Variants in TEAD1 observed in about 807,000 individuals in gnomAD.
TEAD1 encodes transcriptional enhancer factor TEF-1.
TEAD1 carries 9 observed loss-of-function variants against 54.9 expected under a neutral mutation model. The ratio of observed to expected loss-of-function variants is 0.16; its 90% confidence interval spans 0.10 to 0.29. The LOEUF (loss-of-function observed/expected upper bound fraction) is 0.29, where lower values mean the gene tolerates loss of function less well. TEAD1 is among the 10% of genes least tolerant of loss of function. The pLI, the probability that TEAD1 is intolerant of heterozygous loss-of-function variation, is 1.00. For synonymous variants in TEAD1, 200 were observed against 187.8 expected, an observed-to-expected ratio of 1.07 and a Z score of -0.53; for missense variants, 387 against 535.9, an observed-to-expected ratio of 0.72 and a Z score of 2.74.
chr11:12,771,286 A>G (rs531279001), intron 3 of TEAD1, among the ~76,000 whole-genome samples: 2 of 152,292 alleles, frequency 1.3e-5, no homozygotes, highest in Admixed American at 1.3e-4. Flanking sequence ...GACGGAAGCC[A>G]TTACATTTTT....
At chr11:12,864,617 T>G (rs117880397) in intron 4 of TEAD1, 385 of 954,808 alleles carry the variant, frequency 4.0e-4, no homozygotes, top group Middle Eastern at 7.4e-4. Context: ...TTGATTTCCT[T>G]TTTTGTTTTG....
intron 10 of TEAD1, among the ~76,000 whole-genome samples, chr11:12,921,668 G>A (rs1302105291): frequency 6.6e-6 from 1 of 152,144 alleles, no homozygotes; most frequent in Non-Finnish European, 1.5e-5. Flanking sequence ...TCAGCAAAGC[G>A]AGGCAGTGGC....
rs573700530 is a variant in TEAD1 at position 12,681,206 on chromosome 11, G to A, written c.-55+5645G>A. Among the ~76,000 whole-genome samples the A allele has an allele frequency of 3.9e-5, 6 of 152,224 alleles. No individual in the cohort carries two copies. In the South Asian group the frequency reaches 1.2e-3, roughly 32 times the overall value. Reference sequence around the variant, plus strand: ...GTCATTGAGAGAAAAACAGAAAACAGATACTTAATAGCATTTCATATTGTC... The same window carrying A: ...GTCATTGAGAGAAAAACAGAAAACAAATACTTAATAGCATTTCATATTGTC... On this transcript the variant is annotated intron_variant, in intron 2 of 12. Coordinates refer to ENST00000527636, the MANE Select transcript of TEAD1 (RefSeq NM_021961.6).
chr11:12,913,556 C>T (rs1948655890), intron 10 of TEAD1, among the ~76,000 whole-genome samples: 1 of 152,174 alleles, frequency 6.6e-6, no homozygotes, highest in South Asian at 2.1e-4. Flanking sequence ...ATGCCTTTTA[C>T]AGCAATGAGA....
intron 2 of TEAD1, among the ~76,000 whole-genome samples, chr11:12,682,234 T>G (rs1943237639): frequency 6.6e-6 from 1 of 152,248 alleles, no homozygotes; most frequent in African/African-American, 2.4e-5. Context: ...CTTTATGGAA[T>G]TCACTAAGAT....
chr11:12,882,714 T>G (rs981884079), intron 8 of TEAD1, among the ~76,000 whole-genome samples: 1 of 152,204 alleles, frequency 6.6e-6, no homozygotes, highest in African/African-American at 2.4e-5. Context: ...CTTGGCTTGG[T>G]CCCCAAGTAG....
At chr11:12,709,302 C>G (rs903490700) in intron 2 of TEAD1, among the ~76,000 whole-genome samples, 4 of 151,576 alleles carry the variant, frequency 2.6e-5, no homozygotes, top group African/African-American at 9.7e-5. Context: ...TGCACCACTG[C>G]ACTCCAGCCT....
At chr11:12,826,349 GT>G (rs150624259) in intron 3 of TEAD1, among the ~76,000 whole-genome samples, 3,499 of 152,228 alleles carry the variant, frequency 0.023, 154 homozygotes, top group African/African-American at 0.078. Context: ...GGAGAAAATA[GT>G]TCCTTGGAGA....
intron 10 of TEAD1, among the ~76,000 whole-genome samples, chr11:12,905,342 G>A (rs1173741526): frequency 2.0e-5 from 3 of 152,062 alleles, no homozygotes; most frequent in Non-Finnish European, 4.4e-5. Context: ...TGGGAGATGT[G>A]CAAATTTAGA....
chr11:12,912,807 T>C (rs146584520), intron 10 of TEAD1, among the ~76,000 whole-genome samples: 232 of 152,286 alleles, frequency 1.5e-3, no homozygotes, highest in African/African-American at 5.1e-3. Context: ...ATCTCTTGCA[T>C]TGGGAGTTGC....
chr11:12,797,461 A>T (rs1486223431), intron 3 of TEAD1, among the ~76,000 whole-genome samples: 1 of 151,802 alleles, frequency 6.6e-6, no homozygotes, highest in Non-Finnish European at 1.5e-5. Context: ...GGACTTCTTG[A>T]CGTTTGTGCT....
chr11:12,679,465 G>A (rs921841637), intron 2 of TEAD1, among the ~76,000 whole-genome samples: 6 of 152,148 alleles, frequency 3.9e-5, no homozygotes, highest in African/African-American at 1.2e-4. Flanking sequence ...GCATCTGACA[G>A]GTTTAGATGT....
At chr11:12,682,263 A>G (rs1943238654) in intron 2 of TEAD1, among the ~76,000 whole-genome samples, 1 of 152,200 alleles carries the variant, frequency 6.6e-6, no homozygotes, top group Non-Finnish European at 1.5e-5. Context: ...TTGGTTTTAA[A>G]GATAAGCCTG....
At chr11:12,736,727 A>G (rs1171643858) in intron 2 of TEAD1, among the ~76,000 whole-genome samples, 1 of 152,210 alleles carries the variant, frequency 6.6e-6, no homozygotes, top group Non-Finnish European at 1.5e-5. Context: ...ATTCACAAAG[A>G]AATACAGGTA....
At chr11:12,772,709 C>CA (rs1359870845) in intron 3 of TEAD1, among the ~76,000 whole-genome samples, 1 of 152,126 alleles carries the variant, frequency 6.6e-6, no homozygotes, top group Admixed American at 6.5e-5. Flanking sequence ...CATTTCCCCC[C>CA]AATATGGTTA....
chr11:12,799,112 A>T (rs1354345408), intron 3 of TEAD1, among the ~76,000 whole-genome samples: 1 of 152,254 alleles, frequency 6.6e-6, no homozygotes, highest in African/African-American at 2.4e-5. Context: ...TTGTGGAAAC[A>T]TGAGAAATAC....
intron 2 of TEAD1, among the ~76,000 whole-genome samples, chr11:12,762,136 A>G (rs76106779): frequency 1.3e-5 from 2 of 152,242 alleles, no homozygotes; most frequent in African/African-American, 2.4e-5. Flanking sequence ...CTCGGAGTAA[A>G]TTCATACTGC....
chr11:12,691,694 G>C (rs1334593063), intron 2 of TEAD1, among the ~76,000 whole-genome samples: 1 of 152,116 alleles, frequency 6.6e-6, no homozygotes, highest in Non-Finnish European at 1.5e-5. Context: ...TGTTAATGTA[G>C]GCTTCACAGA....
intron 9 of TEAD1, among the ~76,000 whole-genome samples, chr11:12,888,060 A>T (rs1948126270): frequency 6.6e-6 from 1 of 152,258 alleles, no homozygotes; most frequent in Non-Finnish European, 1.5e-5. Context: ...GCCAGGTTCC[A>T]TGCTATTTGT....
Sources: gnomAD v4.1 joint callset for allele counts (sites outside exome capture counted in the v4.1 genomes callset) on GRCh38, gnomAD v4.1.1 for gene constraint, MANE v1.5 for transcripts, NCBI Gene and HGNC (gene_info 2026-07-23, HGNC 2026-07-21) for gene names.